The following IGF2BP2 variants were observed in gnomAD, a reference collection of about 807,000 sequenced individuals.
The protein encoded by IGF2BP2 is insulin-like growth factor 2 mRNA-binding protein 2.
IGF2BP2 carries 17 observed loss-of-function variants against 75.8 expected under a neutral mutation model. That is an observed-to-expected ratio of 0.22 (90% CI 0.15 to 0.34). IGF2BP2 has a LOEUF of 0.34. IGF2BP2 is among the 10% of genes least tolerant of loss of function. IGF2BP2 has a pLI of 1.00. For synonymous variants in IGF2BP2, 288 were observed against 295.6 expected, an observed-to-expected ratio of 0.97 and a Z score of 0.26; for missense variants, 516 against 772.4, an observed-to-expected ratio of 0.67 and a Z score of 3.93.
At chr3:185,716,234 T>C (rs910394134) in intron 2 of IGF2BP2, among the ~76,000 whole-genome samples, 3 of 152,128 alleles carry the variant, frequency 2.0e-5, no homozygotes, top group African/African-American at 7.2e-5. Flanking sequence ...AAAGTAATGC[T>C]CTTAGAAAAG....
At chr3:185,728,833 A>AC (rs548090712) in intron 2 of IGF2BP2, 29 of 152,288 alleles carry the variant, frequency 1.9e-4, no homozygotes, top group African/African-American at 7.0e-4. Context: ...TGACCTGCAC[A>AC]CCCTTGGAAT....
At chr3:185,654,299 G>A (rs1353664546) in intron 12 of IGF2BP2, among the ~76,000 whole-genome samples, 1 of 152,162 alleles carries the variant, frequency 6.6e-6, no homozygotes, top group Admixed American at 6.5e-5. Context: ...ACACCCTCTG[G>A]CAGATCACAC....
At chr3:185,703,274 G>C (rs1360197736) in intron 2 of IGF2BP2, among the ~76,000 whole-genome samples, 4 of 152,080 alleles carry the variant, frequency 2.6e-5, no homozygotes, top group Non-Finnish European at 4.4e-5. Context: ...TTTATAATCT[G>C]TTATATTTAT....
chr3:185,734,053 C>G (rs1180383256), intron 2 of IGF2BP2, among the ~76,000 whole-genome samples: 1 of 152,088 alleles, frequency 6.6e-6, no homozygotes, highest in African/African-American at 2.4e-5. Context: ...TTCACAAGAA[C>G]CCTTAACCCC....
At chr3:185,653,845 A>C (rs1714999475) in intron 12 of IGF2BP2, among the ~76,000 whole-genome samples, 1 of 152,194 alleles carries the variant, frequency 6.6e-6, no homozygotes, top group Non-Finnish European at 1.5e-5. Flanking sequence ...ACCAATCCTG[A>C]GTCTAGGTCT....
chr3:185,781,713 C>T (rs537902141), intron 2 of IGF2BP2, among the ~76,000 whole-genome samples: 11 of 152,218 alleles, frequency 7.2e-5, no homozygotes, highest in African/African-American at 2.6e-4. Context: ...AAGCACCTCA[C>T]AACTTTCTAA....
At chr3:185,675,768 A>C (rs1719244183) in intron 8 of IGF2BP2, 23 bp downstream of exon 8, 1 of 1,610,522 alleles carries the variant, frequency 6.2e-7, no homozygotes. Context: ...ATTGGGCATG[A>C]GTAATCTGAG....
intron 2 of IGF2BP2, chr3:185,713,636 C>T: frequency 2.6e-6 from 1 of 381,316 alleles, no homozygotes; most frequent in South Asian, 2.0e-5. Flanking sequence ...ATCTGAACAG[C>T]TATATCTACC....
At chr3:185,819,415 C>A (rs989280282) in intron 2 of IGF2BP2, among the ~76,000 whole-genome samples, 1 of 151,890 alleles carries the variant, frequency 6.6e-6, no homozygotes, top group Non-Finnish European at 1.5e-5. Context: ...GATTTAAAAG[C>A]ATCAAATAAC....
chr3:185,689,856 T>C (rs893673286), intron 5 of IGF2BP2, among the ~76,000 whole-genome samples: 5 of 150,334 alleles, frequency 3.3e-5, no homozygotes, highest in Admixed American at 3.3e-4. Context: ...TAGTCCCAGC[T>C]ACTTGGGAGG....
At chr3:185,717,034 T>C (rs916264432) in intron 2 of IGF2BP2, 1 of 334,502 alleles carries the variant, frequency 3.0e-6, no homozygotes, top group Non-Finnish European at 5.9e-6. Flanking sequence ...GCTGCCCTTA[T>C]GCCCATGGAA....
At chr3:185,784,410 G>A (rs993561741) in intron 2 of IGF2BP2, among the ~76,000 whole-genome samples, 7 of 152,144 alleles carry the variant, frequency 4.6e-5, no homozygotes, top group African/African-American at 1.7e-4. Flanking sequence ...TCTCTAGGAA[G>A]TTCCCTCAGC....
chr3:185,734,282 C>T (rs1560380895), intron 2 of IGF2BP2, among the ~76,000 whole-genome samples: 1 of 152,164 alleles, frequency 6.6e-6, no homozygotes, highest in Non-Finnish European at 1.5e-5. Context: ...GGTTGGGCAA[C>T]TTATCAACCC....
At chr3:185,787,814 C>G (rs915333316) in intron 2 of IGF2BP2, among the ~76,000 whole-genome samples, 1 of 152,072 alleles carries the variant, frequency 6.6e-6, no homozygotes, top group Non-Finnish European at 1.5e-5. Context: ...GAGCTCTTAG[C>G]CAGGATGGAT....
intron 2 of IGF2BP2, among the ~76,000 whole-genome samples, chr3:185,733,743 C>T (rs1281302319): frequency 2.6e-5 from 4 of 151,412 alleles, no homozygotes; most frequent in Admixed American, 6.6e-5. Context: ...GCAACAAGAG[C>T]GAAACTCCGC....
chr3:185,709,842 A>G (rs1156393728), intron 2 of IGF2BP2, among the ~76,000 whole-genome samples: 1 of 152,222 alleles, frequency 6.6e-6, no homozygotes, highest in African/African-American at 2.4e-5. Context: ...GTCAGGTGGA[A>G]TGAACAATCC....
At chr3:185,774,006 A>G (rs1734212789) in intron 2 of IGF2BP2, among the ~76,000 whole-genome samples, 1 of 152,150 alleles carries the variant, frequency 6.6e-6, no homozygotes, top group African/African-American at 2.4e-5. Context: ...GAGGAGAAAC[A>G]AATCTCTTTT....
At chr3:185,764,033 C>A (rs1229636216) in intron 2 of IGF2BP2, among the ~76,000 whole-genome samples, 2 of 152,064 alleles carry the variant, frequency 1.3e-5, no homozygotes, top group Non-Finnish European at 1.5e-5. Flanking sequence ...ATTGCCAAAA[C>A]CTTGAATGTC....
In IGF2BP2 at chr3:185,675,878, T is replaced by C. The variant is rs749890846; in HGVS notation, c.848A>G (p.Asn283Ser). ...TCCAATCAGTCTTCCAACCAAGCCA[T>C]TGTGTGCCAAGATTTTCAGAGGAAT... ...EEIPLKILAH[N>S]GLVGRLIGKE... is the part of the protein sequence containing the mutation. Residue 283 changes from asparagine (N) to serine (S), a missense_variant, in exon 8 of 16, where the codon AAT becomes AGT. Transcript: ENST00000382199. The C allele has an allele frequency of 1.2e-6, 2 of 1,614,052 alleles. No individual in the cohort carries two copies. Among genetic ancestry groups the C allele is most frequent in the Non-Finnish European group, 1.7e-6 (2 of 1,179,968 alleles).
Sources: allele counts gnomAD v4.1 joint callset (sites outside exome capture counted in the v4.1 genomes callset), GRCh38; gene constraint gnomAD v4.1.1; transcripts MANE v1.5; gene names NCBI Gene and HGNC (gene_info 2026-07-23, HGNC 2026-07-21).